Variants in CDK12 observed in about 807,000 individuals in gnomAD.
CDK12 encodes the protein cyclin dependent kinase 12, also known as cyclin-dependent kinase 12.
CDK12 carries 17 observed loss-of-function variants against 133.8 expected under a neutral mutation model. The ratio of observed to expected loss-of-function variants is 0.13; its 90% CI spans 0.09 to 0.19. CDK12 has a LOEUF of 0.19. Ranked by LOEUF, CDK12 falls within the 10% of genes least tolerant of loss-of-function variation. CDK12 has a pLI of 1.00. For missense variants in CDK12, 1,508 were observed against 1,818.7 expected (o/e 0.83, Z 3.11); for synonymous variants, 694 against 683.6 (o/e 1.02, Z -0.24).
At chr17:39,472,030 C>A (rs1361648590) in intron 2 of CDK12, among the ~76,000 whole-genome samples, 2 of 152,050 alleles carry the variant, frequency 1.3e-5, no homozygotes, top group African/African-American at 4.8e-5. Context: ...GTCGCCCAGG[C>A]TGTAATGCAG....
chr17:39,526,394 C>T (rs2054501836), intron 13 of CDK12, 78 bp downstream of exon 13: 1 of 1,114,644 alleles, frequency 9.0e-7, no homozygotes, highest in Non-Finnish European at 1.3e-6. Context: ...CATTTTTTTT[C>T]CCCCACATCA....
At chr17:39,538,909 ATAC>A (rs770410350), downstream of CDK12, among the ~76,000 whole-genome samples, 805 of 141,662 alleles carry the variant, frequency 5.7e-3, 2 homozygotes, top group South Asian at 7.4e-3. Context: ...AAATAAATAC[ATAC>A]ATACATACAT....
intron 2 of CDK12, among the ~76,000 whole-genome samples, chr17:39,475,123 C>A (rs1011525003): frequency 6.6e-6 from 1 of 152,098 alleles, no homozygotes; most frequent in Admixed American, 6.6e-5. Context: ...GCATGAGCCA[C>A]TGCACCCAAC....
Position 39,501,340 on chromosome 17 carries a change from A to G in CDK12, c.2510A>G (p.Lys837Arg), listed in dbSNP as rs774865586. Residue 837 changes from lysine (K) to arginine (R), a missense_variant, in exon 6 of 14, where the codon AAG (lysine) becomes AGG (arginine). Coordinates refer to ENST00000447079, the MANE Select transcript of CDK12 (RefSeq NM_016507.4). Reference protein sequence around the residue: ...GLVHFSEDHIKSFMKQLMEGL... With the variant: ...GLVHFSEDHIRSFMKQLMEGL... Reference sequence around the variant, plus strand: ...GTGCACTTTTCTGAGGACCATATCAAGTCGTTCATGAAACAGCTAATGGAA... The same window carrying G: ...GTGCACTTTTCTGAGGACCATATCAGGTCGTTCATGAAACAGCTAATGGAA... The G allele has an allele frequency of 1.2e-6, 2 of 1,613,878 alleles. No individual in the cohort carries two copies. The highest frequency in any genetic ancestry group is 1.7e-6 in the Non-Finnish European group (2 of 1,179,830).
chr17:39,501,553 A>G (rs2052718220), intron 6 of CDK12, 114 bp downstream of exon 6: 3 of 641,792 alleles, frequency 4.7e-6, no homozygotes, highest in Non-Finnish European at 7.9e-6. Context: ...TTCACACACT[A>G]TTTAGTGATA....
intron 2 of CDK12, 43 bp downstream of exon 2, chr17:39,471,806 C>T (rs112151590): frequency 1.1e-5 from 17 of 1,495,042 alleles, no homozygotes; most frequent in Non-Finnish European, 1.5e-5. Flanking sequence ...TTGATCTAAA[C>T]ATAAAGCATT....
In CDK12 at chr17:39,520,086, G is replaced by A. The variant is rs1241896005; in HGVS notation, c.3094G>A (p.Asp1032Asn). The change falls in exon 11 of 14, where the codon GAC becomes AAC. Residue 1032 changes from aspartate to asparagine, a missense_variant and splice_region_variant. Asp to Asn is a conservative substitution (Grantham distance 23). Around this residue, in one of 9 missense-constraint regions of CDK12, gnomAD observed 399 missense variants for 469.6 expected, o/e 0.85. Transcript: ENST00000447079. Reference sequence around the variant, plus strand: ...CGAACTCAGCAAAATGGCTCCTCCAGAGTAAGTGCTGGTAGCCATGTTGTG... The same window carrying A: ...CGAACTCAGCAAAATGGCTCCTCCAAAGTAAGTGCTGGTAGCCATGTTGTG... ...DVELSKMAPP[D>N]LPHWQDCHEL... 2.5e-6 allele frequency: 4 copies of A among 1,613,820 alleles called. No homozygotes were observed. In the East Asian group the frequency reaches 6.7e-5, roughly 27 times the overall value.
intron 3 of CDK12, among the ~76,000 whole-genome samples, chr17:39,562,902 CTTTTTTTTTTTTTT>C (rs59852699): frequency 2.2e-5 from 2 of 92,384 alleles, no homozygotes; most frequent in African/African-American, 3.8e-5. Flanking sequence ...TTTTTCTTTT[CTTTTTTTTTTTTTT>C]TTTTTTTTAC....
chr17:39,488,187 T>C (rs901327984), intron 2 of CDK12, among the ~76,000 whole-genome samples: 4 of 151,856 alleles, frequency 2.6e-5, no homozygotes, highest in African/African-American at 9.7e-5. Context: ...TGAGCCATGA[T>C]TGTGTCATTG....
intron 6 of CDK12, among the ~76,000 whole-genome samples, chr17:39,505,882 A>T (rs749060600): frequency 1.3e-5 from 2 of 152,202 alleles, no homozygotes; most frequent in Non-Finnish European, 2.9e-5. Context: ...ACCAATTGCT[A>T]GATATACTAA....
intron 2 of CDK12, among the ~76,000 whole-genome samples, chr17:39,472,674 T>C (rs1597937815): frequency 6.6e-6 from 1 of 152,186 alleles, no homozygotes; most frequent in Non-Finnish European, 1.5e-5. Context: ...ACTTTACTTC[T>C]AAATATTTCA....
rs531849405 is a variant in CDK12 at position 39,531,104 on chromosome 17, C to T, written c.4261C>T (p.Leu1421=). The T allele has an allele frequency of 5.0e-6, 8 of 1,584,552 alleles. No homozygotes were observed. The highest frequency in any genetic ancestry group is 6.0e-6 in the Non-Finnish European group (7 of 1,166,840). Residue 1421 remains leucine, a synonymous_variant, in exon 14 of 14, where the codon CTG becomes TTG. Coordinates refer to ENST00000447079, the MANE Select transcript of CDK12 (RefSeq NM_016507.4). The part of the protein sequence containing the change: ...ALHPVVGQPF[L]KAEGSSNSVV... Reference sequence around the variant, plus strand: ...ACACCCGGTGGTCGGGCAACCATTCCTGAAGGCTGAGGGAAGCAGCAATTC... The same window carrying T: ...ACACCCGGTGGTCGGGCAACCATTCTTGAAGGCTGAGGGAAGCAGCAATTC...
chr17:39,561,878 G>C (rs2056386295), intron 3 of CDK12, among the ~76,000 whole-genome samples: 1 of 152,192 alleles, frequency 6.6e-6, no homozygotes, highest in Admixed American at 6.5e-5. Flanking sequence ...CTGCCCAGTA[G>C]TCCCAGCCAT....
rs747949275 is a variant in CDK12 at position 39,462,956 on chromosome 17, C to T, written c.885C>T (p.Tyr295=). 1 of 1,614,236 alleles carries T rather than the reference C, an allele frequency of 6.2e-7. No homozygotes were observed. Among genetic ancestry groups the T allele is most frequent in the Non-Finnish European group, 8.5e-7 (1 of 1,180,044 alleles). ...YQSSTRSPSP[Y]SRRQRSVSPY... ...CCAGCACCCGGTCACCGAGCCCCTA[C>T]AGTAGGCGACAGAGATCTGTCAGTC... Residue 295 remains tyrosine (Y), a synonymous_variant, in exon 1 of 14, where the codon TAC becomes TAT. Transcript: ENST00000447079.
At chr17:39,502,597 C>T (rs1317665868) in intron 6 of CDK12, among the ~76,000 whole-genome samples, 1 of 152,082 alleles carries the variant, frequency 6.6e-6, no homozygotes, top group African/African-American at 2.4e-5. Context: ...TCACATGCGA[C>T]GATTGAACAC....
chr17:39,565,541 C>T (rs2056544319), downstream of CDK12, among the ~76,000 whole-genome samples: 2 of 152,124 alleles, frequency 1.3e-5, no homozygotes, highest in Admixed American at 1.3e-4. Flanking sequence ...TCAAGCGATT[C>T]TTCTGCCTCA....
At chr17:39,566,648 AGCTCTGG>A (rs2056585674), downstream of CDK12, among the ~76,000 whole-genome samples, 2 of 152,104 alleles carry the variant, frequency 1.3e-5, no homozygotes, top group South Asian at 2.1e-4. Context: ...CGATGGAAAA[AGCTCTGG>A]GCTCTACGCC....
chr17:39,552,739 G>C (rs1163966697), intron 2 of CDK12, among the ~76,000 whole-genome samples: 1 of 152,062 alleles, frequency 6.6e-6, no homozygotes, highest in Non-Finnish European at 1.5e-5. Flanking sequence ...TTGTTTGTTT[G>C]TTTTTGAGAT....
At chr17:39,565,721 A>G (rs2056551478), downstream of CDK12, among the ~76,000 whole-genome samples, 1 of 152,232 alleles carries the variant, frequency 6.6e-6, no homozygotes, top group Non-Finnish European at 1.5e-5. Context: ...GGCGTGAGCC[A>G]CCGTGCCCAG....
Sources: gnomAD v4.1 joint callset for allele counts (sites outside exome capture counted in the v4.1 genomes callset) on GRCh38, gnomAD v4.1.1 for gene constraint, gnomAD v4.1.1 regional missense constraint, MANE v1.5 for transcripts, NCBI Gene and HGNC (gene_info 2026-07-23, HGNC 2026-07-21) for gene names.